The following GSDMC variants were observed in gnomAD, a reference collection of about 807,000 sequenced individuals.
GSDMC encodes the protein gasdermin-C.
In GSDMC, 59 loss-of-function variants were observed where a neutral mutation model predicts 58.0. The observed-to-expected ratio is 1.02, with a 90% CI of 0.82 to 1.26. The LOEUF (loss-of-function observed/expected upper bound fraction) is 1.26. Among genes scored for constraint, GSDMC ranks in the 50% most tolerant of loss-of-function variants. The pLI, the probability that GSDMC is intolerant of heterozygous loss-of-function variation, is 0.00. For synonymous variants in GSDMC, 241 were observed against 220.2 expected, an observed-to-expected ratio of 1.09 and a Z score of -0.83; for missense variants, 659 against 598.5, an observed-to-expected ratio of 1.10 and a Z score of -1.06.
the GSDMC span, among the ~76,000 whole-genome samples, chr8:129,706,202 C>A: frequency 6.6e-6 from 1 of 151,924 alleles, no homozygotes; most frequent in Non-Finnish European, 1.5e-5. Context: ...TTTCTCAGAC[C>A]AATACAAATT....
At chr8:129,784,248 T>G (rs1033776066) in intron 1 of GSDMC, among the ~76,000 whole-genome samples, 1 of 151,888 alleles carries the variant, frequency 6.6e-6, no homozygotes, top group East Asian at 1.9e-4. Context: ...AAATTGGATC[T>G]CATCAAGTTA....
At chr8:129,726,665 C>A in the GSDMC span, among the ~76,000 whole-genome samples, 2 of 152,158 alleles carry the variant, frequency 1.3e-5, no homozygotes, top group Non-Finnish European at 2.9e-5. Flanking sequence ...ACTTTTCAAG[C>A]TCCTGTCTTT....
At chr8:129,726,869 G>T in the GSDMC span, among the ~76,000 whole-genome samples, 1 of 149,176 alleles carries the variant, frequency 6.7e-6, no homozygotes, top group Non-Finnish European at 1.5e-5. Flanking sequence ...ATCCCAAACT[G>T]GTAGCCTGCA....
intron 12 of GSDMC, 72 bp from the exon 13 acceptor site, chr8:129,749,597 A>C (rs1369743276): frequency 2.8e-6 from 3 of 1,071,106 alleles, no homozygotes; most frequent in Non-Finnish European, 4.4e-6. Context: ...ATAAAGCAGG[A>C]GACCCCCTGA....
At chr8:129,719,081 T>C in the GSDMC span, among the ~76,000 whole-genome samples, 3 of 152,112 alleles carry the variant, frequency 2.0e-5, no homozygotes, top group Admixed American at 2.0e-4. Flanking sequence ...ATACCTAATG[T>C]AGATGACGAG....
chr8:129,752,807 G>A lies in GSDMC; in HGVS notation c.735C>T (p.Ser245=), dbSNP rs765277111. ...QRTFQDEYEI[S]EMVGYCAARS... ...TCGCAGCACAGTAGCCTACCATTTCGGAAATTTCGTACTCTTGGGAGAGAG... is the reference window on the plus strand; with the variant it reads ...TCGCAGCACAGTAGCCTACCATTTCAGAAATTTCGTACTCTTGGGAGAGAG... The change falls in exon 7 of 14, where the codon TCC becomes TCT. Residue 245 remains serine, a synonymous_variant. Transcript: ENST00000276708. 2.3e-5 allele frequency: 37 copies of A among 1,613,954 alleles called. No homozygotes were observed. The highest frequency in any genetic ancestry group is 1.8e-4 in the East Asian group (8 of 44,878).
At chr8:129,737,364 A>G in the GSDMC span, among the ~76,000 whole-genome samples, 10 of 152,120 alleles carry the variant, frequency 6.6e-5, no homozygotes, top group African/African-American at 9.6e-5. Flanking sequence ...CAAAGCTGGA[A>G]GCATCACGCT....
rs143574673 is a variant in GSDMC at position 129,781,124 on chromosome 8, A to G, written c.-4-3533T>C. On this transcript the variant is annotated intron_variant, in intron 1 of 13. Coordinates refer to ENST00000276708, the MANE Select transcript of GSDMC (RefSeq NM_031415.3). ...AAAAGGAAGAAGAAAAAGAAGAAAC[A>G]GAAGATCACAAAACAACCAGAAAAC... is the stretch of plus-strand genomic sequence containing the variant. Among the ~76,000 whole-genome samples the G allele has an allele frequency of 2.8e-3, 429 of 152,316 alleles. 5 individuals carry two copies. The highest frequency in any genetic ancestry group is 8.9e-3 in the African/African-American group (369 of 41,578).
At chr8:129,752,942 T>C in intron 6 of GSDMC, 122 bp from the exon 7 acceptor site, 1 of 1,481,142 alleles carries the variant, frequency 6.8e-7, no homozygotes, top group Non-Finnish European at 9.1e-7. Context: ...AGGGAGCATT[T>C]GAACAAGACC....
At position 129,760,491 on chromosome 8, in the gene GSDMC, C is replaced by T. The variant is rs145905110; in HGVS notation, c.721+54G>A. 6.8e-4 allele frequency: 643 copies of T among 949,636 alleles called. 4 individuals are homozygous for T. In the African/African-American group the frequency reaches 9.0e-3, roughly 13 times the overall value. The allele number at this position is 949,636 out of a possible 1,614,324, so 58.8% of individuals were successfully genotyped here. A position where few individuals can be genotyped will look rare whatever the true frequency, so the allele number is the denominator to read the frequency against. ...TCATGTACCTTATAAATATACATAC[C>T]TCCCATGTACTCATAAAAATAAAAA... On this transcript the variant is annotated intron_variant, in intron 6 of 13. Coordinates refer to ENST00000276708, the MANE Select transcript of GSDMC (RefSeq NM_031415.3).
intron 3 of GSDMC, among the ~76,000 whole-genome samples, chr8:129,773,067 C>A (rs930241252): frequency 2.0e-5 from 3 of 152,302 alleles, no homozygotes; most frequent in Admixed American, 2.0e-4. Flanking sequence ...AATTCATCAT[C>A]CTTTCATGAT....
At chr8:129,761,954 A>G (rs2130440927) in intron 5 of GSDMC, among the ~76,000 whole-genome samples, 1 of 152,222 alleles carries the variant, frequency 6.6e-6, no homozygotes, top group East Asian at 1.9e-4. Context: ...GCTGAACTCG[A>G]TCTGTATTAA....
At chr8:129,732,466 A>T in the GSDMC span, among the ~76,000 whole-genome samples, 1 of 152,170 alleles carries the variant, frequency 6.6e-6, no homozygotes, top group Non-Finnish European at 1.5e-5. Context: ...AAATAATTAC[A>T]AATATTAGAA....
At chr8:129,771,834 C>A (rs562062212) in intron 3 of GSDMC, among the ~76,000 whole-genome samples, 12 of 152,238 alleles carry the variant, frequency 7.9e-5, no homozygotes, top group African/African-American at 2.2e-4. Context: ...CTGAGACAAA[C>A]AAAAGTGAAA....
the GSDMC span, among the ~76,000 whole-genome samples, chr8:129,716,106 T>C: frequency 6.6e-6 from 1 of 152,060 alleles, no homozygotes; most frequent in Non-Finnish European, 1.5e-5. Flanking sequence ...GGAAACAACA[T>C]ATGGGCAATT....
At chr8:129,707,789 A>G in the GSDMC span, among the ~76,000 whole-genome samples, 1 of 152,254 alleles carries the variant, frequency 6.6e-6, no homozygotes, top group Non-Finnish European at 1.5e-5. Flanking sequence ...CTTTTCATCA[A>G]CCATCATTCT....
the GSDMC span, among the ~76,000 whole-genome samples, chr8:129,726,051 T>G: frequency 6.6e-6 from 1 of 152,230 alleles, no homozygotes; most frequent in Non-Finnish European, 1.5e-5. Context: ...TGGAAAAATA[T>G]TTGAAACTCC....
At chr8:129,762,215 T>C (rs958797061) in intron 5 of GSDMC, among the ~76,000 whole-genome samples, 1 of 152,176 alleles carries the variant, frequency 6.6e-6, no homozygotes, top group Admixed American at 6.5e-5. Flanking sequence ...TTGTTTGTGA[T>C]TGTGATGTTG....
chr8:129,767,902 A>G (rs2033921924), intron 3 of GSDMC, among the ~76,000 whole-genome samples: 1 of 152,138 alleles, frequency 6.6e-6, no homozygotes, highest in South Asian at 2.1e-4. Flanking sequence ...CCTGAACAAC[A>G]GTACCACAAG....
Sources: allele counts gnomAD v4.1 joint callset (sites outside exome capture counted in the v4.1 genomes callset), GRCh38; gene constraint gnomAD v4.1.1; transcripts MANE v1.5; gene names NCBI Gene and HGNC (gene_info 2026-07-23, HGNC 2026-07-21).